Variants in ZNF829 observed in about 807,000 individuals in gnomAD.
ZNF829 encodes the protein zinc finger protein 829.
A neutral mutation model predicts 35.2 loss-of-function variants in ZNF829; 25 were observed. The observed-to-expected ratio is 0.71, with a 90% confidence interval of 0.52 to 0.99. The LOEUF (loss-of-function observed/expected upper bound fraction) is 0.99. Among genes scored for constraint, ZNF829 ranks in the 50% least tolerant of loss-of-function variants. The probability of loss-of-function intolerance (pLI) is 0.00; values close to 1 mark genes in which losing one functional copy is unlikely to be tolerated. For missense variants in ZNF829, 417 were observed against 515.3 expected, an observed-to-expected ratio of 0.81 and a Z score of 1.85; for synonymous variants, 136 against 163.2, an observed-to-expected ratio of 0.83 and a Z score of 1.27.
At chr19:36,914,612 T>C (rs2073293108) in intron 3 of ZNF829, among the ~76,000 whole-genome samples, 1 of 152,202 alleles carries the variant, frequency 6.6e-6, no homozygotes, top group Non-Finnish European at 1.5e-5. Context: ...CCCAAGACCA[T>C]TTGATGACAT....
chr19:36,905,200 T>G (rs1176995518), intron 5 of ZNF829, among the ~76,000 whole-genome samples: 1 of 152,158 alleles, frequency 6.6e-6, no homozygotes, highest in East Asian at 1.9e-4. Flanking sequence ...GTAGAAATTA[T>G]TTACAGCAAT....
intron 5 of ZNF829, among the ~76,000 whole-genome samples, chr19:36,899,713 TAGAAATTTGTCAGGAA>T (rs2073145362): frequency 1.3e-5 from 2 of 149,394 alleles, no homozygotes; most frequent in African/African-American, 4.9e-5. Context: ...TATTGTATAC[TAGAAATTTGTCAGGAA>T]AGTAGGTTTT....
intron 5 of ZNF829, among the ~76,000 whole-genome samples, chr19:36,903,000 C>T (rs1301109455): frequency 2.0e-5 from 3 of 152,160 alleles, no homozygotes; most frequent in Admixed American, 6.5e-5. Flanking sequence ...CACGCCATTG[C>T]ACTCCAGCCT....
chr19:36,899,885 T>A (rs988973573), intron 5 of ZNF829, among the ~76,000 whole-genome samples: 4 of 151,484 alleles, frequency 2.6e-5, no homozygotes, highest in Non-Finnish European at 5.9e-5. Context: ...CAATAATTTT[T>A]AAAAAAAGGT....
chr19:36,891,775 AGT>A lies in ZNF829; in HGVS notation c.1014_1015del (p.Leu339TyrfsTer2). The stretch of plus-strand genomic sequence containing the variant: ...AGCATGAATTCTGTGATGGTTAGTA[AGT>A]GTTGAGGCACTATTAAAGGCCTTCC... On this transcript the variant is annotated frameshift_variant, in exon 6 of 6. Transcript: ENST00000391711. LOFTEE classifies it high-confidence loss of function. 2 of 1,614,180 alleles carry A rather than the reference AGT, an allele frequency of 1.2e-6. No individual in the cohort carries two copies. The highest frequency in any genetic ancestry group is 1.7e-6 in the Non-Finnish European group (2 of 1,180,030).
chr19:36,907,689 A>G, intron 5 of ZNF829: 1 of 374,136 alleles, frequency 2.7e-6, no homozygotes, highest in South Asian at 3.1e-5. Flanking sequence ...CTGTTATACA[A>G]ATCTAAACGT....
Position 36,889,372 on chromosome 19 carries a change from A to C in ZNF829, c.*2120T>G, listed in dbSNP as rs925005755. 2.0e-5 allele frequency: 3 copies of C among 152,096 alleles called. No homozygotes were observed. The highest frequency in any genetic ancestry group is 4.4e-5 in the Non-Finnish European group (3 of 68,006). The allele number at this position is 152,096 out of a possible 1,614,324, so 9.4% of individuals were successfully genotyped here. ...GAATAGTTTCAATAGTGCTGTTACT[A>C]GTTCTTCCTTGCATGTCTAGTAGAA... On this transcript the variant is annotated 3_prime_UTR_variant, in exon 6 of 6. Transcript: ENST00000391711.
chr19:36,915,953 A>C, intron 1 of ZNF829, 58 bp downstream of exon 1: 3 of 1,533,548 alleles, frequency 2.0e-6, no homozygotes, highest in Non-Finnish European at 2.6e-6. Context: ...CTTTCCAGTC[A>C]TCCCGGATGG....
rs543475062 is a variant in ZNF829 at position 36,901,905 on chromosome 19, A to G, written c.319+6024T>C. ...AAAGAGATTCAGAAATTTGCCATGAAGGAGATGGGAACTCCAGATGTGCGC... is the reference window on the plus strand; with the variant it reads ...AAAGAGATTCAGAAATTTGCCATGAGGGAGATGGGAACTCCAGATGTGCGC... On this transcript the variant is annotated intron_variant, in intron 5 of 5. Coordinates refer to ENST00000391711, the MANE Select transcript of ZNF829 (RefSeq NM_001037232.4). 6 of 763,094 alleles carry G rather than the reference A, an allele frequency of 7.9e-6. No homozygotes were observed. The South Asian group carries it at 8.1e-5, about 10-fold the overall frequency. The allele number at this position is 763,094 out of a possible 1,614,324, so 47.3% of individuals were successfully genotyped here.
Position 36,902,674 on chromosome 19 carries a change from T to TAAAA in ZNF829, c.319+5254_319+5255insTTTT, listed in dbSNP as rs891040793. ...TAAAATAAAATAAAATAAAATAAAATAATAAAAACTATACAATTATGTGTT... is the reference window on the plus strand; with the variant it reads ...TAAAATAAAATAAAATAAAATAAAATAAAAAATAAAAACTATACAATTATGTGTT... On this transcript the variant is annotated intron_variant, in intron 5 of 5. Coordinates refer to ENST00000391711, the MANE Select transcript of ZNF829 (RefSeq NM_001037232.4). Among the ~76,000 whole-genome samples the TAAAA allele has an allele frequency of 2.0e-3, 308 of 150,536 alleles. 2 individuals are homozygous for TAAAA. Among genetic ancestry groups the TAAAA allele is most frequent in the African/African-American group, 7.3e-3 (299 of 40,906 alleles).
intron 1 of ZNF829, 120 bp from the exon 2 acceptor site, chr19:36,915,371 C>T: frequency 8.6e-7 from 1 of 1,162,106 alleles, no homozygotes; most frequent in South Asian, 1.6e-5. Flanking sequence ...CTCACCTGCC[C>T]ACAAGGAGCC....
Position 36,908,350 on chromosome 19 carries a change from C to T in ZNF829, c.206G>A (p.Ser69Asn). 6.2e-7 allele frequency: 1 copy of T among 1,613,296 alleles called. No individual in the cohort carries two copies. The highest frequency in any genetic ancestry group is 8.5e-7 in the Non-Finnish European group (1 of 1,179,638). The part of the protein sequence containing the change: ...LYKEVMLENF[S>N]NLVSVGLSNS... ...ATCCTTACCCACTGAAACCAGGTTG[C>T]TGAAATTCTCCAACATCACTTCTTT... The change falls in exon 4 of 6, where the codon AGC (serine) becomes AAC (asparagine). Residue 69 changes from serine to asparagine, a missense_variant. Ser to Asn is a conservative substitution (Grantham distance 46, BLOSUM62 1). Transcript: ENST00000391711.
intron 1 of ZNF829, among the ~76,000 whole-genome samples, chr19:36,915,475 A>G (rs1287140079): frequency 6.6e-6 from 1 of 152,128 alleles, no homozygotes; most frequent in African/African-American, 2.4e-5. Context: ...TCGCAGAGTC[A>G]CAATCACACA....
intron 5 of ZNF829, among the ~76,000 whole-genome samples, chr19:36,895,577 G>C (rs2146229922): frequency 6.6e-6 from 1 of 151,952 alleles, no homozygotes; most frequent in Non-Finnish European, 1.5e-5. Context: ...TGGTTGAATG[G>C]ATAAAATAAA....
At chr19:36,895,256 A>G (rs1275509492) in intron 5 of ZNF829, among the ~76,000 whole-genome samples, 1 of 152,204 alleles carries the variant, frequency 6.6e-6, no homozygotes, top group Non-Finnish European at 1.5e-5. Flanking sequence ...AGTTTTTCCC[A>G]GAGAAAATGT....
At chr19:36,902,831 T>A (rs936641524) in intron 5 of ZNF829, among the ~76,000 whole-genome samples, 149 of 151,938 alleles carry the variant, frequency 9.8e-4, no homozygotes, top group African/African-American at 3.5e-3. Flanking sequence ...AGGTGAGGAG[T>A]TAGAGACCAA....
chr19:36,892,929 C>A, intron 5 of ZNF829: 1 of 928,602 alleles, frequency 1.1e-6, no homozygotes, highest in Non-Finnish European at 1.4e-6. Context: ...AGCTGGAGGG[C>A]CATGGAGGAG....
chr19:36,898,049 G>T (rs922931859), intron 5 of ZNF829, among the ~76,000 whole-genome samples: 1 of 152,066 alleles, frequency 6.6e-6, no homozygotes, highest in Non-Finnish European at 1.5e-5. Flanking sequence ...GGCACCTGTG[G>T]TCCCACCTAC....
At chr19:36,901,795 C>T in intron 5 of ZNF829, 2 of 622,876 alleles carry the variant, frequency 3.2e-6, no homozygotes, top group South Asian at 3.6e-5. Context: ...CTGCCATCCA[C>T]AAGGTGGTGA....
Sources: gnomAD v4.1 joint callset for allele counts (sites outside exome capture counted in the v4.1 genomes callset) on GRCh38, gnomAD v4.1.1 for gene constraint, MANE v1.5 for transcripts, NCBI Gene and HGNC (gene_info 2026-07-23, HGNC 2026-07-21) for gene names.